The following OVCH2 variants were observed in gnomAD, a reference collection of about 807,000 sequenced individuals.
The protein encoded by OVCH2 is ovochymase-2.
A neutral mutation model predicts 73.7 loss-of-function variants in OVCH2; 88 were observed. That is an observed-to-expected ratio of 1.19 (90% confidence interval 1.01 to 1.43). The LOEUF is 1.43. Ranked by LOEUF, OVCH2 falls within the 40% of genes most tolerant of loss-of-function variation. The pLI is 0.00. For missense variants in OVCH2, 706 were observed against 674.5 expected (o/e 1.05, Z -0.52); for synonymous variants, 265 against 234.5 (o/e 1.13, Z -1.19).
downstream of OVCH2, among the ~76,000 whole-genome samples, chr11:7,684,899 G>A (rs1309580228): frequency 2.6e-5 from 4 of 152,148 alleles, no homozygotes; most frequent in East Asian, 7.7e-4. Flanking sequence ...TGAGAACATC[G>A]TGGTGTCTGT....
intron 5 of OVCH2, 103 bp downstream of exon 5, chr11:7,701,613 T>C: frequency 1.4e-6 from 2 of 1,450,702 alleles, no homozygotes; most frequent in East Asian, 2.5e-5. Context: ...TTTAGAAATG[T>C]ATGCACAATC....
Position 7,704,659 on chromosome 11 carries a change from T to A in OVCH2, c.104A>T (p.Gln35Leu). ...LSLPKAPSCG[Q>L]SLVKVQPWNY... ...CCAAGGCTGTACCTTAACCAGACTC[T>A]GCCCACAACTGGGAGCTGAGAAAAA... The change falls in exon 2 of 16, where the codon CAG (glutamine) becomes CTG (leucine). Residue 35 changes from glutamine to leucine, a missense_variant. By Grantham distance (113) the Gln-to-Leu change is moderately radical. Transcript: ENST00000533663. The A allele has an allele frequency of 6.2e-7, 1 of 1,611,614 alleles. No homozygotes were observed. The highest frequency in any genetic ancestry group is 8.5e-7 in the Non-Finnish European group (1 of 1,178,754).
intron 3 of OVCH2, among the ~76,000 whole-genome samples, chr11:7,703,035 A>C (rs896386884): frequency 2.6e-5 from 4 of 152,218 alleles, no homozygotes; most frequent in African/African-American, 7.2e-5. Flanking sequence ...TTGTTAAAAG[A>C]AGAGTCAACT....
Position 7,700,398 on chromosome 11 carries a change from G to C in OVCH2, c.799C>G (p.Arg267Gly), listed in dbSNP as rs775193800. ...TTCCTCACATTGTTTCTCCAGCCTC[G>C]ACCACAGCCCAAACCCCAGGAAGTC... ...GVTSWGLGCG[R>G]GWRNNVRKSD... is the part of the protein sequence containing the mutation. The change falls in exon 7 of 16, where the codon CGA becomes GGA. Residue 267 changes from arginine to glycine, a missense_variant. Arg to Gly is a moderately radical substitution (Grantham distance 125, BLOSUM62 -2). Transcript: ENST00000533663. 1.9e-6 allele frequency: 3 copies of C among 1,612,984 alleles called. No homozygotes were observed. In the African/African-American group the frequency reaches 4.0e-5, roughly 22 times the overall value.
At chr11:7,701,928 C>T (rs924747554) in intron 4 of OVCH2, 117 bp from the exon 5 acceptor site, 57 of 899,630 alleles carry the variant, frequency 6.3e-5, no homozygotes, top group Non-Finnish European at 9.5e-5. Context: ...TGTGATAGCT[C>T]TGCCTGGCAC....
intron 10 of OVCH2, among the ~76,000 whole-genome samples, chr11:7,696,223 G>C (rs979231501): frequency 6.6e-6 from 1 of 152,174 alleles, no homozygotes; most frequent in Non-Finnish European, 1.5e-5. Flanking sequence ...CACCAGGTCT[G>C]GCAAATGGGC....
rs752155520 is a variant in OVCH2, at chr11:7,696,466, A to G, written c.1140T>C (p.Ile380=). 9.9e-6 allele frequency: 16 copies of G among 1,613,990 alleles called. No homozygotes were observed. The highest frequency in any genetic ancestry group is 1.1e-5 in the Non-Finnish European group (13 of 1,179,892). ...TTGACACTGTGAAAATCCACTCACC[A>G]ATGGGTCTGTCTTCTAAAGAATACA... is the stretch of plus-strand genomic sequence containing the variant. ...LSMYSLEDRP[I]GKFCGESLPS... is the part of the protein sequence containing the mutation. Residue 380 remains isoleucine (I), a splice_region_variant and synonymous_variant, in exon 10 of 16, where the codon ATT becomes ATC. Transcript: ENST00000533663.
chr11:7,692,062 G>A, intron 12 of OVCH2, 67 bp from the exon 13 acceptor site: 1 of 1,173,944 alleles, frequency 8.5e-7, no homozygotes. Flanking sequence ...TGATTCAGCA[G>A]AGAAATTTGG....
At chr11:7,702,074 C>A in intron 4 of OVCH2, 83 bp downstream of exon 4, 1 of 1,260,626 alleles carries the variant, frequency 7.9e-7, no homozygotes, top group Non-Finnish European at 1.1e-6. Context: ...TGACCCAGAA[C>A]GTATACTGCA....
At chr11:7,695,493 C>T (rs1012035886) in intron 11 of OVCH2, 77 bp downstream of exon 11, 9 of 1,380,748 alleles carry the variant, frequency 6.5e-6, no homozygotes, top group African/African-American at 2.9e-5. Context: ...GGATCCCTGC[C>T]ACTCACCTAA....
intron 4 of OVCH2, 71 bp downstream of exon 4, chr11:7,702,086 G>T: frequency 7.4e-7 from 1 of 1,358,366 alleles, no homozygotes; most frequent in South Asian, 1.3e-5. Flanking sequence ...TATACTGCAG[G>T]AAATGTGCTA....
intron 8 of OVCH2, chr11:7,697,029 T>TTTTTA (rs200627706): frequency 1.7e-5 from 9 of 528,046 alleles, no homozygotes; most frequent in South Asian, 2.6e-5. Context: ...CTTCTCTCTC[T>TTTTTA]TTTTATTTTA....
At chr11:7,697,103 C>G in intron 8 of OVCH2, 1 of 354,058 alleles carries the variant, frequency 2.8e-6, no homozygotes, top group South Asian at 4.1e-5. Context: ...GTGGCACGAT[C>G]ACAGCTTACT....
At position 7,704,589 on chromosome 11, in the gene OVCH2, C is replaced by T. The variant is rs376666475; in HGVS notation, c.174G>A (p.Val58=). The T allele has an allele frequency of 6.2e-7, 1 of 1,611,602 alleles. No homozygotes were observed. Among genetic ancestry groups the T allele is most frequent in the African/African-American group, 1.3e-5 (1 of 74,956 alleles). Residue 58 remains valine (V), a synonymous_variant, in exon 2 of 16, where the codon GTG becomes GTA. Transcript: ENST00000533663. ...CCTGCCAGGGATAGGAACCCTTCTC[C>T]ACTTGGCTTCCTCCAAGAATGCGAC... ...IFSRILGGSQ[V]EKGSYPWQVS...
At chr11:7,704,827 C>A (rs1168929904) in intron 1 of OVCH2, among the ~76,000 whole-genome samples, 153 bp from the exon 2 acceptor site, 1 of 152,134 alleles carries the variant, frequency 6.6e-6, no homozygotes, top group Non-Finnish European at 1.5e-5. Context: ...GGATTTAATT[C>A]TCTTGAGGGA....
At chr11:7,681,888 G>A in the OVCH2 span, among the ~76,000 whole-genome samples, 1 of 149,936 alleles carries the variant, frequency 6.7e-6, no homozygotes, top group Admixed American at 6.6e-5. Context: ...ATGAAGGGAC[G>A]CATTCCAGAC....
chr11:7,687,312 A>AGG (rs1225941274), downstream of OVCH2, among the ~76,000 whole-genome samples: 102 of 101,832 alleles, frequency 1.0e-3, no homozygotes, highest in African/African-American at 3.0e-3. Flanking sequence ...CTGTGGAAAT[A>AGG]ATAATAATAA....
chr11:7,683,176 A>G, the OVCH2 span, among the ~76,000 whole-genome samples: 2 of 152,210 alleles, frequency 1.3e-5, no homozygotes, highest in Non-Finnish European at 2.9e-5. Context: ...TGAACTCCAC[A>G]TTCATATATC....
At chr11:7,681,682 C>T in the OVCH2 span, among the ~76,000 whole-genome samples, 2 of 151,950 alleles carry the variant, frequency 1.3e-5, no homozygotes, top group South Asian at 2.1e-4. Context: ...GTTAGAGCCT[C>T]CAGAAGGAAT....
Sources: allele counts gnomAD v4.1 joint callset (sites outside exome capture counted in the v4.1 genomes callset), GRCh38; gene constraint gnomAD v4.1.1; transcripts MANE v1.5; gene names NCBI Gene and HGNC (gene_info 2026-07-23, HGNC 2026-07-21).